The following DENND5A variants were observed in gnomAD, a reference collection of about 807,000 sequenced individuals.
The protein encoded by DENND5A is DENN domain containing 5A.
A neutral mutation model predicts 140.3 loss-of-function variants in DENND5A; 64 were observed. That is an observed-to-expected ratio of 0.46 (90% CI 0.37 to 0.56). DENND5A has a LOEUF of 0.56. Ranked by LOEUF, DENND5A falls within the 20% of genes least tolerant of loss-of-function variation. The pLI, the probability that DENND5A is intolerant of heterozygous loss-of-function variation, is 0.00. For missense variants in DENND5A, 1,292 were observed against 1,593.8 expected, an observed-to-expected ratio of 0.81 and a Z score of 3.22; for synonymous variants, 605 against 607.7, an observed-to-expected ratio of 1.00 and a Z score of 0.07.
Position 9,181,069 on chromosome 11 carries a change from C to T in DENND5A, c.1153G>A (p.Val385Met). The T allele has an allele frequency of 1.2e-6, 2 of 1,613,746 alleles. No homozygotes were observed. The highest frequency in any genetic ancestry group is 1.7e-6 in the Non-Finnish European group (2 of 1,179,782). ...ELPQEANLCFVDIDNHFIELP... is the reference protein window; with the variant it reads ...ELPQEANLCFMDIDNHFIELP... ...TCAATGAAGTGGTTGTCAATGTCCA[C>T]AAAGCAGAGGTTAGCCTGGAAGTCA... The change falls in exon 6 of 23, where the codon GTG becomes ATG. Residue 385 changes from valine (V) to methionine (M), a missense_variant. Around this residue, in one of 4 missense-constraint regions of DENND5A, gnomAD observed 566 missense variants for 650.4 expected, o/e 0.87. Transcript: ENST00000328194.
In DENND5A at chr11:9,139,350, C is replaced by T. The variant is rs1413979363; in HGVS notation, c.*321G>A. On this transcript the variant is annotated 3_prime_UTR_variant, in exon 23 of 23. Coordinates refer to ENST00000328194, the MANE Select transcript of DENND5A (RefSeq NM_015213.4). ...GGCAAGGAAACATAACTGTCCCGCA[C>T]GCAGTGCCACAGGCTCAGTCCAGGG... 2 of 313,142 alleles carry T rather than the reference C, an allele frequency of 6.4e-6. No individual in the cohort carries two copies. Among genetic ancestry groups the T allele is most frequent in the South Asian group, 5.3e-5 (1 of 18,774 alleles). The allele number at this position is 313,142 out of a possible 1,614,324, so 19.4% of individuals were successfully genotyped here. A position where few individuals can be genotyped will look rare whatever the true frequency, so the allele number is the denominator to read the frequency against.
chr11:9,237,743 C>T (rs777186630), intron 1 of DENND5A, among the ~76,000 whole-genome samples: 1 of 151,630 alleles, frequency 6.6e-6, no homozygotes, highest in Non-Finnish European at 1.5e-5. Context: ...ATTAGCCGGG[C>T]GTGGTGGCAA....
At chr11:9,219,248 A>G (rs1378575295) in intron 1 of DENND5A, among the ~76,000 whole-genome samples, 2 of 152,156 alleles carry the variant, frequency 1.3e-5, no homozygotes, top group Non-Finnish European at 2.9e-5. Flanking sequence ...ACAGACCCAC[A>G]CCAAGACACG....
intron 1 of DENND5A, among the ~76,000 whole-genome samples, chr11:9,217,885 T>C (rs1252423849): frequency 6.6e-6 from 1 of 152,208 alleles, no homozygotes; most frequent in Non-Finnish European, 1.5e-5. Context: ...CAAAAATTAT[T>C]ATCACAGATA....
rs1416334424 is a variant in DENND5A at position 9,265,100 on chromosome 11, C to A, written c.-31G>T. Reference sequence around the variant, plus strand: ...CGGGGCCGAGACCGGCCGGGCAGTGCGGAGCGGCACCGAGCCCCCGCAACC... The same window carrying A: ...CGGGGCCGAGACCGGCCGGGCAGTGAGGAGCGGCACCGAGCCCCCGCAACC... On this transcript the variant is annotated 5_prime_UTR_variant, in exon 1 of 23. Transcript: ENST00000328194. This position sits in a 1 kb window ranked among gnomAD's most constrained non-coding sequence, Gnocchi z 4.7. 2.3e-6 allele frequency: 3 copies of A among 1,287,070 alleles called. No homozygotes were observed. Among genetic ancestry groups the A allele is most frequent in the Non-Finnish European group, 3.0e-6 (3 of 1,007,340 alleles). 79.7% of individuals were successfully genotyped at this position (1,287,070 alleles called of 1,614,324 possible). A position where few individuals can be genotyped will look rare whatever the true frequency, so the allele number is the denominator to read the frequency against.
Position 9,178,999 on chromosome 11 carries a change from G to A in DENND5A, c.1530C>T (p.Tyr510=). 3.1e-6 allele frequency: 5 copies of A among 1,614,088 alleles called. No homozygotes were observed. The highest frequency in any genetic ancestry group is 4.2e-6 in the Non-Finnish European group (5 of 1,180,018). ...CTTCCCGGATCTGAATGTTTAGCTGGTAAATCCTGAGTTCTTCTTCATCAC... is the reference window on the plus strand; with the variant it reads ...CTTCCCGGATCTGAATGTTTAGCTGATAAATCCTGAGTTCTTCTTCATCAC... The part of the protein sequence containing the change: ...VQCDEEELRI[Y]QLNIQIREVF... The change falls in exon 7 of 23, where the codon TAC becomes TAT. Residue 510 remains tyrosine (Y), a synonymous_variant. Coordinates refer to ENST00000328194, the MANE Select transcript of DENND5A (RefSeq NM_015213.4).
intron 21 of DENND5A, among the ~76,000 whole-genome samples, chr11:9,142,421 C>T (rs527699007): frequency 1.3e-5 from 2 of 152,324 alleles, no homozygotes; most frequent in South Asian, 2.1e-4. Flanking sequence ...GGCTCCAATA[C>T]GCTCAACTGG....
At chr11:9,152,896 C>G (rs950760682) in intron 12 of DENND5A, among the ~76,000 whole-genome samples, 2 of 151,318 alleles carry the variant, frequency 1.3e-5, no homozygotes, top group Non-Finnish European at 1.5e-5. Flanking sequence ...CCCAGCTACT[C>G]AGGAGGCAGG....
At chr11:9,216,752 A>G (rs1025330218) in intron 1 of DENND5A, among the ~76,000 whole-genome samples, 14 of 152,312 alleles carry the variant, frequency 9.2e-5, no homozygotes, top group African/African-American at 3.4e-4. Context: ...AAAAAATTTA[A>G]TAATTACTAG....
intron 1 of DENND5A, among the ~76,000 whole-genome samples, chr11:9,215,495 C>CCAGCTGT (rs2136227726): frequency 6.6e-6 from 1 of 152,144 alleles, no homozygotes; most frequent in African/African-American, 2.4e-5. Flanking sequence ...GGTGATGCAA[C>CCAGCTGT]CAGCTGTCCA....
intron 1 of DENND5A, among the ~76,000 whole-genome samples, chr11:9,244,025 A>T (rs1357488893): frequency 6.6e-6 from 1 of 152,366 alleles, no homozygotes; most frequent in East Asian, 1.9e-4. Flanking sequence ...TAAGGTTTCC[A>T]GTCAGCAGTA....
Position 9,139,850 on chromosome 11 carries a change from G to T in DENND5A, c.3685C>A (p.His1229Asn), listed in dbSNP as rs770333258. 6.2e-7 allele frequency: 1 copy of T among 1,613,814 alleles called. No homozygotes were observed. Among genetic ancestry groups the T allele is most frequent in the East Asian group, 2.2e-5 (1 of 44,872 alleles). Residue 1229 changes from histidine (H) to asparagine (N), a missense_variant, in exon 23 of 23, where the codon CAC (histidine) becomes AAC (asparagine). Transcript: ENST00000328194. ...AGGGCAATCCAGTGGTGTAGGAGGT[G>T]ATCTCTGGCAGAGCGGGAGCAGTCC... ...QMLVCLGARD[H>N]LLHHWIALLA...
At chr11:9,238,890 G>A (rs1851116743) in intron 1 of DENND5A, among the ~76,000 whole-genome samples, 1 of 149,046 alleles carries the variant, frequency 6.7e-6, no homozygotes, top group Non-Finnish European at 1.5e-5. Flanking sequence ...GGAGTGCAGT[G>A]GCTTGATCTC....
chr11:9,250,601 T>A (rs1431058218), intron 1 of DENND5A, among the ~76,000 whole-genome samples: 1 of 152,148 alleles, frequency 6.6e-6, no homozygotes, highest in East Asian at 1.9e-4. Context: ...CTAACAGATC[T>A]TTCTAACTTG....
intron 10 of DENND5A, among the ~76,000 whole-genome samples, chr11:9,168,362 G>A (rs1245192052): frequency 6.6e-6 from 1 of 152,198 alleles, no homozygotes; most frequent in African/African-American, 2.4e-5. Flanking sequence ...TCCACGTTAA[G>A]ACGTGACTTG....
chr11:9,257,582 C>T (rs1201408007), intron 1 of DENND5A, among the ~76,000 whole-genome samples: 3 of 142,504 alleles, frequency 2.1e-5, no homozygotes, highest in East Asian at 2.2e-4. Flanking sequence ...CCCAGGTTCA[C>T]GCCATTCTCC....
chr11:9,208,694 T>A (rs1849772456), intron 1 of DENND5A, among the ~76,000 whole-genome samples: 1 of 152,222 alleles, frequency 6.6e-6, no homozygotes, highest in Non-Finnish European at 1.5e-5. Flanking sequence ...GACCCAACCT[T>A]CTTTCTGTTA....
intron 1 of DENND5A, among the ~76,000 whole-genome samples, chr11:9,213,746 G>A (rs982081087): frequency 2.2e-5 from 3 of 135,978 alleles, no homozygotes; most frequent in South Asian, 2.3e-4. Context: ...GATGGTGGCT[G>A]CAGTGAGCCG....
chr11:9,149,043 T>C (rs1590208089), intron 15 of DENND5A, among the ~76,000 whole-genome samples: 1 of 152,140 alleles, frequency 6.6e-6, no homozygotes, highest in Non-Finnish European at 1.5e-5. Flanking sequence ...AGTTTCAAGG[T>C]AAAGGGGGCA....
Sources: allele counts gnomAD v4.1 joint callset (sites outside exome capture counted in the v4.1 genomes callset), GRCh38; gene constraint gnomAD v4.1.1; regional missense constraint gnomAD v4.1.1; non-coding constraint Gnocchi (gnomAD v3.1); transcripts MANE v1.5; gene names NCBI Gene and HGNC (gene_info 2026-07-23, HGNC 2026-07-21).